The following PTPRN2 variants were observed in gnomAD, a reference collection of about 807,000 sequenced individuals.
The protein encoded by PTPRN2 is protein tyrosine phosphatase receptor type N2, also known as receptor-type tyrosine-protein phosphatase N2.
Under a neutral mutation model 118.8 loss-of-function variants are expected in PTPRN2, and 74 were observed. The ratio of observed to expected loss-of-function variants is 0.62; its 90% CI spans 0.52 to 0.76. PTPRN2 has a LOEUF of 0.76. Ranked by LOEUF, PTPRN2 falls within the 30% of genes least tolerant of loss-of-function variation. The probability of loss-of-function intolerance (pLI) is 0.00; values close to 1 mark genes in which losing one functional copy is unlikely to be tolerated. For synonymous variants in PTPRN2, 641 were observed against 608.0 expected, an observed-to-expected ratio of 1.05 and a Z score of -0.80; for missense variants, 1,481 against 1,394.4, an observed-to-expected ratio of 1.06 and a Z score of -0.99.
intron 11 of PTPRN2, among the ~76,000 whole-genome samples, chr7:157,906,481 G>A (rs879798143): frequency 8.5e-5 from 13 of 152,160 alleles, no homozygotes; most frequent in African/African-American, 1.2e-4. Context: ...AGGGCCATAC[G>A]TGAGGCCCAT....
chr7:157,985,179 A>G (rs1482145218), intron 11 of PTPRN2, among the ~76,000 whole-genome samples: 1 of 152,244 alleles, frequency 6.6e-6, no homozygotes, highest in East Asian at 1.9e-4. Flanking sequence ...CATTTAAGCC[A>G]TCCAGTGCAT....
rs1003156415 is a variant in PTPRN2, at chr7:158,570,040, G to T, written c.112+17518C>A. On this transcript the variant is annotated intron_variant, in intron 1 of 22. Coordinates refer to ENST00000389418, the MANE Select transcript of PTPRN2 (RefSeq NM_002847.5). This position sits in a 1 kb window ranked among gnomAD's most constrained non-coding sequence, Gnocchi z 4.5. ...GGCCGCCAGGCCTTTCCTCCCTCGCGTTCCCTCAGGCGCGTCCTCCACCCG... is the reference window on the plus strand; with the variant it reads ...GGCCGCCAGGCCTTTCCTCCCTCGCTTTCCCTCAGGCGCGTCCTCCACCCG... 6.6e-6 allele frequency among the ~76,000 whole-genome samples: 1 copy of T among 152,180 alleles called. No individual in the cohort carries two copies. Among genetic ancestry groups the T allele is most frequent in the African/African-American group, 2.4e-5 (1 of 41,468 alleles).
chr7:158,096,454 A>G (rs948362772), intron 10 of PTPRN2, among the ~76,000 whole-genome samples: 3 of 152,238 alleles, frequency 2.0e-5, no homozygotes, highest in African/African-American at 7.2e-5. Context: ...CTTTAATCAA[A>G]TCATGGGATT....
At chr7:158,371,844 A>G (rs1280404095) in intron 2 of PTPRN2, among the ~76,000 whole-genome samples, 1 of 152,258 alleles carries the variant, frequency 6.6e-6, no homozygotes, top group Non-Finnish European at 1.5e-5. Context: ...AGATAACGTG[A>G]CATGCTCAAG....
At chr7:158,351,905 C>G (rs112295461) in intron 2 of PTPRN2, among the ~76,000 whole-genome samples, 6 of 115,752 alleles carry the variant, frequency 5.2e-5, no homozygotes, top group African/African-American at 1.4e-4. Flanking sequence ...CTGTCCGCTC[C>G]CCTCCTGTCC....
intron 3 of PTPRN2, among the ~76,000 whole-genome samples, chr7:158,252,455 G>C (rs1020309452): frequency 2.6e-5 from 4 of 152,182 alleles, no homozygotes; most frequent in Non-Finnish European, 5.9e-5. Flanking sequence ...TCCTGAATTA[G>C]TGTGTGGGTT....
chr7:157,795,911 G>A (rs938241115), intron 12 of PTPRN2, among the ~76,000 whole-genome samples: 4 of 152,216 alleles, frequency 2.6e-5, no homozygotes, highest in South Asian at 2.1e-4. Context: ...TGATGCTGAC[G>A]CCCTCAGAAA....
intron 12 of PTPRN2, among the ~76,000 whole-genome samples, chr7:157,725,788 A>G (rs1796241): frequency 0.017 from 680 of 39,684 alleles, no homozygotes; most frequent in Middle Eastern, 0.021. Flanking sequence ...CCAGACCCTC[A>G]CCTCCCAGGA....
At chr7:158,163,377 T>C (rs1394737655) in intron 6 of PTPRN2, among the ~76,000 whole-genome samples, 4 of 151,000 alleles carry the variant, frequency 2.6e-5, no homozygotes, top group African/African-American at 9.8e-5. Flanking sequence ...CAATATTCTC[T>C]GCGTGTTTCA....
At chr7:158,482,692 T>C (rs1820731056) in intron 2 of PTPRN2, among the ~76,000 whole-genome samples, 1 of 152,204 alleles carries the variant, frequency 6.6e-6, no homozygotes. Flanking sequence ...TGCCCTGGAA[T>C]TGAACCCACA....
intron 2 of PTPRN2, among the ~76,000 whole-genome samples, chr7:158,340,782 G>C (rs1215170498): frequency 6.0e-5 from 4 of 66,818 alleles, no homozygotes; most frequent in Admixed American, 1.6e-4. Context: ...ACCATAATTG[G>C]TGACACCTGC....
chr7:157,778,615 GTATCGAA>G (rs1803484372), intron 12 of PTPRN2, among the ~76,000 whole-genome samples: 1 of 152,084 alleles, frequency 6.6e-6, no homozygotes, highest in Non-Finnish European at 1.5e-5. Flanking sequence ...GTGAATACAG[GTATCGAA>G]TGCCTATGTA....
At chr7:158,562,286 C>T (rs1827438929) in intron 1 of PTPRN2, among the ~76,000 whole-genome samples, 1 of 152,182 alleles carries the variant, frequency 6.6e-6, no homozygotes, top group South Asian at 2.1e-4. Context: ...CTCTCTGGAG[C>T]TGCCTTATTA....
chr7:157,565,013 C>T (rs1305217724), intron 21 of PTPRN2, among the ~76,000 whole-genome samples: 1 of 152,244 alleles, frequency 6.6e-6, no homozygotes, highest in Non-Finnish European at 1.5e-5. Context: ...CGACACAGGC[C>T]AACCTCGAAG....
At chr7:158,262,314 GCACACACATT>G (rs1797467224) in intron 3 of PTPRN2, among the ~76,000 whole-genome samples, 1 of 146,988 alleles carries the variant, frequency 6.8e-6, no homozygotes, top group Non-Finnish European at 1.5e-5. Context: ...TTCACACACT[GCACACACATT>G]CACACACACT....
chr7:157,705,767 C>G (rs1361520954), intron 12 of PTPRN2, among the ~76,000 whole-genome samples: 1 of 151,544 alleles, frequency 6.6e-6, no homozygotes, highest in African/African-American at 2.4e-5. Flanking sequence ...GACCCAGGTG[C>G]CTTCCGGATA....
At chr7:157,549,935 CA>C (rs1798510436) in intron 21 of PTPRN2, among the ~76,000 whole-genome samples, 1 of 152,210 alleles carries the variant, frequency 6.6e-6, no homozygotes, top group African/African-American at 2.4e-5. Context: ...GAACTGTGGT[CA>C]CCCGAGTCGC....
chr7:157,621,468 C>T lies in PTPRN2; in HGVS notation c.2238G>A (p.Glu746=), dbSNP rs1422221397. 6 of 1,613,854 alleles carry T rather than the reference C, an allele frequency of 3.7e-6. No individual in the cohort carries two copies. The highest frequency in any genetic ancestry group is 1.3e-5 in the African/African-American group (1 of 74,954). The change falls in exon 15 of 23, where the codon GAG becomes GAA. Residue 746 remains glutamate, a synonymous_variant. Transcript: ENST00000389418. Reference sequence around the variant, plus strand: ...AGGCGCACAGCGCTTCCCACTCCTTCTCCAGCCGGTTCTTGTTCTTCAGGT... The same window carrying T: ...AGGCGCACAGCGCTTCCCACTCCTTTTCCAGCCGGTTCTTGTTCTTCAGGT... ...EDHLKNKNRL[E]KEWEALCAYQ...
chr7:158,404,659 T>TC (rs1813212370), intron 2 of PTPRN2, among the ~76,000 whole-genome samples: 1 of 140,110 alleles, frequency 7.1e-6, no homozygotes, highest in African/African-American at 2.7e-5. Flanking sequence ...CTCCCCAGCC[T>TC]CAGCTCCCCG....
Sources: allele counts gnomAD v4.1 joint callset (sites outside exome capture counted in the v4.1 genomes callset), GRCh38; gene constraint gnomAD v4.1.1; non-coding constraint Gnocchi (gnomAD v3.1); transcripts MANE v1.5; gene names NCBI Gene and HGNC (gene_info 2026-07-23, HGNC 2026-07-21).